UBE2E2: variants seen among roughly 807,000 people sequenced by gnomAD.
UBE2E2 encodes ubiquitin conjugating enzyme E2 E2, also known as ubiquitin-conjugating enzyme E2 E2.
A neutral mutation model predicts 24.7 loss-of-function variants in UBE2E2; 6 were observed. That is an observed-to-expected ratio of 0.24 (90% CI 0.13 to 0.48). UBE2E2 has a LOEUF of 0.48. Among genes scored for constraint, UBE2E2 ranks in the 20% least tolerant of loss-of-function variants. UBE2E2 has a pLI of 0.99. For synonymous variants in UBE2E2, 104 were observed against 83.6 expected (o/e 1.24, Z -1.33); for missense variants, 169 against 245.0 (o/e 0.69, Z 2.07).
At chr3:23,518,636 C>T (rs544174867) in intron 4 of UBE2E2, among the ~76,000 whole-genome samples, 94 of 152,224 alleles carry the variant, frequency 6.2e-4, no homozygotes, top group African/African-American at 2.0e-3. Flanking sequence ...TTCCCCTCTC[C>T]GATATTCTCC....
intron 3 of UBE2E2, among the ~76,000 whole-genome samples, chr3:23,455,538 T>G (rs1183023318): frequency 6.6e-6 from 1 of 151,986 alleles, no homozygotes; most frequent in African/African-American, 2.4e-5. Flanking sequence ...GTCAACATAA[T>G]GAGACCCCCA....
chr3:23,293,558 A>G (rs564725766), intron 3 of UBE2E2, among the ~76,000 whole-genome samples: 1 of 152,362 alleles, frequency 6.6e-6, no homozygotes, highest in Non-Finnish European at 1.5e-5. Context: ...TAGTTATGTT[A>G]TGGAGACCTT....
chr3:23,514,746 G>A (rs1471604978), intron 4 of UBE2E2, among the ~76,000 whole-genome samples: 1 of 152,064 alleles, frequency 6.6e-6, no homozygotes, highest in Non-Finnish European at 1.5e-5. Flanking sequence ...TGTCTTAGGA[G>A]TCTGGTCAAA....
chr3:23,551,104 G>A (rs1695632752), intron 5 of UBE2E2, among the ~76,000 whole-genome samples: 1 of 152,072 alleles, frequency 6.6e-6, no homozygotes, highest in African/African-American at 2.4e-5. Context: ...TTTGGAATAA[G>A]GTACAACATT....
chr3:23,299,447 T>C (rs1411952765), intron 3 of UBE2E2, among the ~76,000 whole-genome samples: 1 of 152,170 alleles, frequency 6.6e-6, no homozygotes, highest in Non-Finnish European at 1.5e-5. Context: ...CTCTACACAC[T>C]GCTTTGAATG....
chr3:23,452,391 C>T (rs1183394359), intron 3 of UBE2E2, among the ~76,000 whole-genome samples: 1 of 152,024 alleles, frequency 6.6e-6, no homozygotes, highest in African/African-American at 2.4e-5. Flanking sequence ...GCTGACAGTC[C>T]TCCATTGACT....
At chr3:23,216,010 C>T (rs1176107451) in intron 2 of UBE2E2, among the ~76,000 whole-genome samples, 5 of 152,092 alleles carry the variant, frequency 3.3e-5, no homozygotes, top group South Asian at 2.1e-4. Flanking sequence ...AAAGAGATCA[C>T]GGAGTTTGTT....
chr3:23,246,538 C>G (rs1323693980), intron 3 of UBE2E2, among the ~76,000 whole-genome samples: 1 of 151,580 alleles, frequency 6.6e-6, no homozygotes, highest in African/African-American at 2.4e-5. Context: ...CCCGGCCATG[C>G]CTGGCTAATT....
chr3:23,582,982 C>A lies in UBE2E2; in HGVS notation c.509-6752C>A, dbSNP rs1167389943. ...TTTTTGTCGTAGTTGCTTTTGGAGT[C>A]TTCATCATGGAATTTTTGCCAGGGC... On this transcript the variant is annotated intron_variant, in intron 5 of 5. Transcript: ENST00000396703. Among the ~76,000 whole-genome samples the A allele has an allele frequency of 4.6e-5, 7 of 151,782 alleles. No homozygotes were observed. In the East Asian group the frequency reaches 1.2e-3, roughly 25 times the overall value.
chr3:23,567,164 A>G (rs73821869), intron 5 of UBE2E2, among the ~76,000 whole-genome samples: 90 of 152,338 alleles, frequency 5.9e-4, no homozygotes, highest in African/African-American at 2.1e-3. Context: ...AGAAAGATGG[A>G]AAACAAGGTT....
rs554973510 is a variant in UBE2E2, at chr3:23,353,392, T to C, written c.227+136080T>C. 5.8e-3 allele frequency among the ~76,000 whole-genome samples: 875 copies of C among 151,330 alleles called. 12 individuals carry two copies. The highest frequency in any genetic ancestry group is 0.02 in the African/African-American group (801 of 40,772). On this transcript the variant is annotated intron_variant, in intron 3 of 5. Transcript: ENST00000396703. ...TGTTGGAAGTTCTGGCCAGGGCAGT[T>C]AGGCAGGAGAAGGAAATAAAGGGTA...
chr3:23,420,146 T>C (rs79574325), intron 3 of UBE2E2, among the ~76,000 whole-genome samples: 4,398 of 152,328 alleles, frequency 0.029, 110 homozygotes, highest in East Asian at 0.13. Flanking sequence ...TGAATTATTA[T>C]TGTTTCAGTT....
intron 3 of UBE2E2, among the ~76,000 whole-genome samples, chr3:23,300,773 C>G (rs1330139144): frequency 3.3e-5 from 5 of 152,002 alleles, no homozygotes; most frequent in Admixed American, 3.3e-4. Flanking sequence ...TGGAGTTGCT[C>G]TTCTCGAGAA....
intron 3 of UBE2E2, among the ~76,000 whole-genome samples, chr3:23,360,262 G>T (rs1696076096): frequency 6.6e-6 from 1 of 152,042 alleles, no homozygotes; most frequent in Admixed American, 6.6e-5. Context: ...AAAGAAGTGA[G>T]TGCTGTAACT....
intron 3 of UBE2E2, among the ~76,000 whole-genome samples, chr3:23,442,296 AT>A (rs1466040278): frequency 2.0e-5 from 3 of 151,042 alleles, no homozygotes; most frequent in Admixed American, 2.0e-4. Flanking sequence ...ACATTTCTAA[AT>A]TTAAAAAAAA....
chr3:23,356,919 T>G (rs1229024322), intron 3 of UBE2E2, among the ~76,000 whole-genome samples: 1 of 152,238 alleles, frequency 6.6e-6, no homozygotes, highest in East Asian at 1.9e-4. Flanking sequence ...AAAAGTTTAT[T>G]TCTCCTCACA....
intron 3 of UBE2E2, among the ~76,000 whole-genome samples, chr3:23,241,135 C>T (rs991186589): frequency 6.6e-6 from 1 of 152,164 alleles, no homozygotes; most frequent in African/African-American, 2.4e-5. Flanking sequence ...GCAAATCTGT[C>T]TTTCCATTTA....
At chr3:23,508,813 C>T (rs768996766) in intron 4 of UBE2E2, among the ~76,000 whole-genome samples, 1 of 152,152 alleles carries the variant, frequency 6.6e-6, no homozygotes, top group Non-Finnish European at 1.5e-5. Context: ...AATTCCTTCA[C>T]GATGGATGTT....
At chr3:23,225,825 C>G (rs769241780) in intron 3 of UBE2E2, among the ~76,000 whole-genome samples, 1 of 152,126 alleles carries the variant, frequency 6.6e-6, no homozygotes, top group South Asian at 2.1e-4. Flanking sequence ...ATAAACCTAA[C>G]TACTGTGTCA....
Sources: allele counts gnomAD v4.1 joint callset (sites outside exome capture counted in the v4.1 genomes callset), GRCh38; gene constraint gnomAD v4.1.1; transcripts MANE v1.5; gene names NCBI Gene and HGNC (gene_info 2026-07-23, HGNC 2026-07-21).